The following STK39 variants were observed in gnomAD, a reference collection of about 807,000 sequenced individuals.
The protein encoded by STK39 is STE20/SPS1-related proline-alanine-rich protein kinase.
Under a neutral mutation model 77.8 loss-of-function variants are expected in STK39, and 20 were observed. That is an observed-to-expected ratio of 0.26 (90% CI 0.18 to 0.37). STK39 has a LOEUF of 0.37. Ranked by LOEUF, STK39 falls within the 10% of genes least tolerant of loss-of-function variation. The pLI is 1.00. For synonymous variants in STK39, 246 were observed against 234.1 expected, an observed-to-expected ratio of 1.05 and a Z score of -0.47; for missense variants, 479 against 656.5, an observed-to-expected ratio of 0.73 and a Z score of 2.95.
At chr2:168,142,551 C>T (rs897936805) in intron 5 of STK39, among the ~76,000 whole-genome samples, 21 of 152,174 alleles carry the variant, frequency 1.4e-4, no homozygotes, top group Admixed American at 1.4e-3. Context: ...CCATAGTTAA[C>T]ATTAGATATA....
intron 3 of STK39, among the ~76,000 whole-genome samples, chr2:168,166,392 A>C (rs995769343): frequency 6.6e-6 from 1 of 152,248 alleles, no homozygotes; most frequent in Non-Finnish European, 1.5e-5. Flanking sequence ...TTGTAAATTA[A>C]ATTGTCAATG....
chr2:168,023,030 T>C (rs1684607683), intron 14 of STK39, among the ~76,000 whole-genome samples: 1 of 152,176 alleles, frequency 6.6e-6, no homozygotes, highest in East Asian at 1.9e-4. Context: ...TCCTCCTTCC[T>C]CAGCCTCCTG....
At chr2:168,035,869 T>G (rs1353024297) in intron 14 of STK39, among the ~76,000 whole-genome samples, 1 of 152,158 alleles carries the variant, frequency 6.6e-6, no homozygotes, top group African/African-American at 2.4e-5. Flanking sequence ...CATCACACCC[T>G]GCCACTCTCC....
chr2:168,130,069 ATC>A (rs1687640189), intron 8 of STK39, among the ~76,000 whole-genome samples: 1 of 152,230 alleles, frequency 6.6e-6, no homozygotes. Flanking sequence ...AGACTGACAC[ATC>A]TGTGAGCTAA....
intron 1 of STK39, among the ~76,000 whole-genome samples, chr2:168,210,656 A>G (rs946483020): frequency 3.3e-5 from 5 of 152,138 alleles, no homozygotes; most frequent in Non-Finnish European, 5.9e-5. Flanking sequence ...AGGAACTGGG[A>G]CCACAGGCAC....
intron 14 of STK39, among the ~76,000 whole-genome samples, chr2:168,023,987 AT>A (rs1390647333): frequency 6.6e-6 from 1 of 152,160 alleles, no homozygotes; most frequent in Non-Finnish European, 1.5e-5. Flanking sequence ...TGTCCAGGGA[AT>A]TTCAAAGGGA....
chr2:167,962,451 G>A (rs576298593), intron 17 of STK39, among the ~76,000 whole-genome samples: 4 of 152,308 alleles, frequency 2.6e-5, no homozygotes, highest in African/African-American at 9.6e-5. Flanking sequence ...GGGCTGGACA[G>A]AAAGTTAAGT....
chr2:168,071,869 CAA>C (rs201293469), intron 12 of STK39, among the ~76,000 whole-genome samples: 43 of 105,416 alleles, frequency 4.1e-4, no homozygotes, highest in Admixed American at 7.4e-4. Context: ...GACTCCATCT[CAA>C]AAAAAAAAAA....
At chr2:168,090,343 T>G (rs16854696) in intron 10 of STK39, among the ~76,000 whole-genome samples, 14,349 of 152,204 alleles carry the variant, frequency 0.094, 908 homozygotes, top group East Asian at 0.22. Context: ...CTGAAGAAGG[T>G]CTTGCCAGAG....
intron 14 of STK39, among the ~76,000 whole-genome samples, chr2:168,044,477 A>C (rs1368419552): frequency 6.6e-6 from 1 of 152,240 alleles, no homozygotes; most frequent in Non-Finnish European, 1.5e-5. Context: ...TTGTCCTTAA[A>C]GTAAGCTTGA....
intron 1 of STK39, among the ~76,000 whole-genome samples, chr2:168,193,923 C>T (rs1183770580): frequency 6.6e-6 from 1 of 152,128 alleles, no homozygotes; most frequent in Non-Finnish European, 1.5e-5. Flanking sequence ...TACCCACCTC[C>T]TAATAAGGGA....
At chr2:168,057,676 T>C (rs1685562041) in intron 14 of STK39, among the ~76,000 whole-genome samples, 1 of 152,126 alleles carries the variant, frequency 6.6e-6, no homozygotes, top group Non-Finnish European at 1.5e-5. Flanking sequence ...ACTCTCCTGC[T>C]CTCCTACACA....
intron 12 of STK39, among the ~76,000 whole-genome samples, chr2:168,072,995 T>C (rs1685979630): frequency 6.6e-6 from 1 of 152,206 alleles, no homozygotes; most frequent in African/African-American, 2.4e-5. Context: ...GTTCTATTCA[T>C]ATGCTTCTTT....
At chr2:167,991,809 G>A (rs1368051178) in intron 16 of STK39, among the ~76,000 whole-genome samples, 2 of 152,104 alleles carry the variant, frequency 1.3e-5, no homozygotes, top group Admixed American at 6.6e-5. Context: ...TAATGATCTT[G>A]TATTAAACCT....
At position 168,227,703 on chromosome 2, in the gene STK39, C is replaced by G. The variant is rs373832276; in HGVS notation, c.208+19525G>C. Among the ~76,000 whole-genome samples the G allele has an allele frequency of 2.2e-4, 33 of 152,254 alleles. No individual in the cohort carries two copies. In the South Asian group the frequency reaches 6.6e-3, roughly 31 times the overall value. Reference sequence around the variant, plus strand: ...TTTATTTATTTTTTTGAGACGGAGTCTCACAGTGCAGTGGCACAATCTCAG... The same window carrying G: ...TTTATTTATTTTTTTGAGACGGAGTGTCACAGTGCAGTGGCACAATCTCAG... On this transcript the variant is annotated intron_variant, in intron 1 of 17. Transcript: ENST00000355999.
At chr2:168,058,462 A>G (rs1026127623) in intron 14 of STK39, among the ~76,000 whole-genome samples, 1 of 152,182 alleles carries the variant, frequency 6.6e-6, no homozygotes, top group South Asian at 2.1e-4. Flanking sequence ...CACTCATTTC[A>G]TAACTTTAAA....
intron 10 of STK39, 133 bp downstream of exon 10, chr2:168,129,408 G>T: frequency 1.0e-6 from 1 of 955,662 alleles, no homozygotes; most frequent in Non-Finnish European, 1.6e-6. Flanking sequence ...GCAGTTATCT[G>T]AGTAATCACT....
chr2:168,068,003 G>A (rs1475190377), intron 12 of STK39, among the ~76,000 whole-genome samples: 1 of 152,178 alleles, frequency 6.6e-6, no homozygotes, highest in Admixed American at 6.5e-5. Context: ...AGCTTACACG[G>A]TAGCAGGCAA....
intron 12 of STK39, among the ~76,000 whole-genome samples, chr2:168,073,944 G>A (rs1686009352): frequency 6.6e-6 from 1 of 152,146 alleles, no homozygotes; most frequent in Admixed American, 6.5e-5. Context: ...GTATGAAATT[G>A]AGAGGTGAAT....
Sources: allele counts gnomAD v4.1 joint callset (sites outside exome capture counted in the v4.1 genomes callset), GRCh38; gene constraint gnomAD v4.1.1; transcripts MANE v1.5; gene names NCBI Gene and HGNC (gene_info 2026-07-23, HGNC 2026-07-21).